NBPF26: variants seen among roughly 807,000 people sequenced by gnomAD.
NBPF26 encodes the protein NBPF member 26.
NBPF26 carries 79 observed loss-of-function variants against 119.6 expected under a neutral mutation model. The observed-to-expected ratio is 0.66, with a 90% CI of 0.55 to 0.80. The LOEUF (loss-of-function observed/expected upper bound fraction) is 0.80, where lower values mean the gene tolerates loss of function less well. Among genes scored for constraint, NBPF26 ranks in the 30% least tolerant of loss-of-function variants. The probability of loss-of-function intolerance (pLI) is 0.00; values close to 1 mark genes in which losing one functional copy is unlikely to be tolerated. For missense variants in NBPF26, 800 were observed against 1,198.2 expected (o/e 0.67, Z 4.91); for synonymous variants, 299 against 457.7 (o/e 0.65, Z 4.43).
chr1:120,813,385 G>T (rs1651924636), intron 10 of NBPF26, among the ~76,000 whole-genome samples: 1 of 127,568 alleles, frequency 7.8e-6, no homozygotes, highest in South Asian at 2.3e-4. Flanking sequence ...TTATGCTTCA[G>T]ATATGATTCT....
intron 1 of NBPF26, among the ~76,000 whole-genome samples, chr1:120,743,875 G>A (rs1650956620): frequency 8.4e-6 from 1 of 119,202 alleles, no homozygotes; most frequent in Non-Finnish European, 1.7e-5. Flanking sequence ...ATATTAGAGT[G>A]GTTGTTTCAG....
At position 120,823,034 on chromosome 1, in the gene NBPF26, G is replaced by C. The variant is rs1173762541; in HGVS notation, c.2588-275G>C. Among the ~76,000 whole-genome samples the C allele has an allele frequency of 2.4e-5, 3 of 122,724 alleles. No individual in the cohort carries two copies. In the South Asian group the frequency reaches 7.4e-4, roughly 30 times the overall value. 80.5% of individuals were successfully genotyped at this position (122,724 alleles called of 152,430 possible). A position where few individuals can be genotyped will look rare whatever the true frequency, so the allele number is the denominator to read the frequency against. ...AGAACTATTTGCCTACAATTTATTG[G>C]GGAAAAAATTGCTCATTTGTGTACA... On this transcript the variant is annotated intron_variant, in intron 16 of 29. Transcript: ENST00000620612.
chr1:120,817,045 CAT>C (rs1209006887), intron 14 of NBPF26, among the ~76,000 whole-genome samples: 2 of 118,322 alleles, frequency 1.7e-5, no homozygotes, highest in East Asian at 4.1e-4. Context: ...GTGACAATCT[CAT>C]AGTCACCTGA....
rs1234330056 is a variant in NBPF26 at position 120,815,319 on chromosome 1, G to T, written c.2092+276G>T. Among the ~76,000 whole-genome samples, 6 of 114,876 alleles carry T rather than the reference G, an allele frequency of 5.2e-5. 2 individuals carry two copies. Among genetic ancestry groups the T allele is most frequent in the East Asian group, 4.6e-4 (2 of 4,384 alleles). 75.4% of individuals were successfully genotyped at this position (114,876 alleles called of 152,430 possible). ...GTTTTAAAGGACAGGAAGGAGGCTG[G>T]GATGGGAGCAGGCTTGTTAGAGTGA... On this transcript the variant is annotated intron_variant, in intron 12 of 29. Coordinates refer to ENST00000620612, the Ensembl canonical transcript of NBPF26.
chr1:120,805,502 G>T lies in NBPF26; in HGVS notation c.752-54G>T, dbSNP rs1214447977. ...GACATCCCTCAGTCCTGATTAAACCGATTTGATTTCACCAGTTTTTAACCC... is the reference window on the plus strand; with the variant it reads ...GACATCCCTCAGTCCTGATTAAACCTATTTGATTTCACCAGTTTTTAACCC... On this transcript the variant is annotated intron_variant, in intron 4 of 29. Coordinates refer to ENST00000620612, the Ensembl canonical transcript of NBPF26. 181 of 1,310,682 alleles carry T rather than the reference G, an allele frequency of 1.4e-4. 20 individuals are homozygous for T. The highest frequency in any genetic ancestry group is 5.2e-4 in the East Asian group (23 of 44,022). 81.2% of individuals were successfully genotyped at this position (1,310,682 alleles called of 1,614,324 possible). A position where few individuals can be genotyped will look rare whatever the true frequency, so the allele number is the denominator to read the frequency against.
rs1553273404 is a variant in NBPF26 at position 120,840,354 on chromosome 1, A to G, written c.4108A>G (p.Asn1370Asp). The G allele has an allele frequency of 2.1e-5, 30 of 1,448,766 alleles. 7 individuals are homozygous for G. The highest frequency in any genetic ancestry group is 4.6e-5 in the East Asian group (2 of 43,676). The allele number at this position is 1,448,766 out of a possible 1,614,324, so 89.7% of individuals were successfully genotyped here. The change falls in exon 30 of 30, where the codon AAC (asparagine) becomes GAC (aspartate). Residue 1370 changes from asparagine (N) to aspartate (D), a missense_variant. Asn to Asp is a conservative substitution (Grantham distance 23, BLOSUM62 1). Coordinates refer to ENST00000620612, the Ensembl canonical transcript of NBPF26. ...TAGTTTTGTCTCCTTTTGCAGGCTC[A>G]ACAGCATGCTGATGGAAGTGGAAGA...
Position 120,833,288 on chromosome 1 carries a change from G to A in NBPF26, c.3371+305G>A, listed in dbSNP as rs1254140983. 3.7e-5 allele frequency among the ~76,000 whole-genome samples: 3 copies of A among 80,186 alleles called. 1 individual carries two copies. Among genetic ancestry groups the A allele is most frequent in the Non-Finnish European group, 6.5e-5 (3 of 46,232 alleles). The allele number at this position is 80,186 out of a possible 152,430, so 52.6% of individuals were successfully genotyped here. A position where few individuals can be genotyped will look rare whatever the true frequency, so the allele number is the denominator to read the frequency against. On this transcript the variant is annotated intron_variant, in intron 23 of 29. Transcript: ENST00000620612. Reference sequence around the variant, plus strand: ...TCTTTTCATGATCACAGTTTGCTGTGTGTCATGAGGGCACTAACTCAGAGT... The same window carrying A: ...TCTTTTCATGATCACAGTTTGCTGTATGTCATGAGGGCACTAACTCAGAGT...
At chr1:120,783,704 A>G in intron 2 of NBPF26, among the ~76,000 whole-genome samples, 1 of 117,390 alleles carries the variant, frequency 8.5e-6, no homozygotes, top group Non-Finnish European at 1.6e-5. Context: ...TAACAAATGC[A>G]TTTGAGAGAA....
rs2101490243 is a variant in NBPF26, at chr1:120,805,766, G to GT, written c.961+2dup. The stretch of plus-strand genomic sequence containing the variant: ...CTGGCCAACCGACAGAAGAAATACA[G>GT]TAAGATCTATAGGCTCACCATCATG... On this transcript the variant is annotated splice_donor_variant, in intron 5 of 29. Transcript: ENST00000620612. LOFTEE classifies it high-confidence loss of function. 1 of 1,391,274 alleles carries GT rather than the reference G, an allele frequency of 7.2e-7. No individual in the cohort carries two copies. Among genetic ancestry groups the GT allele is most frequent in the East Asian group, 2.3e-5 (1 of 44,080 alleles). 86.2% of individuals were successfully genotyped at this position (1,391,274 alleles called of 1,614,324 possible). A position where few individuals can be genotyped will look rare whatever the true frequency, so the allele number is the denominator to read the frequency against.
At chr1:120,770,626 T>G (rs1651252626) in intron 2 of NBPF26, among the ~76,000 whole-genome samples, 2 of 121,422 alleles carry the variant, frequency 1.6e-5, no homozygotes, top group Non-Finnish European at 3.2e-5. Flanking sequence ...ACTTTAGTCC[T>G]CATGTGAGAG....
rs1419462376 is a variant in NBPF26, at chr1:120,790,698, C to A, written c.416-2463C>A. On this transcript the variant is annotated intron_variant, in intron 3 of 29. Transcript: ENST00000620612. ...CACTGCAACCTCCACCTCTTGGGTTCGAGTGATTCTTGTGCCTCAGCCTCC... is the reference window on the plus strand; with the variant it reads ...CACTGCAACCTCCACCTCTTGGGTTAGAGTGATTCTTGTGCCTCAGCCTCC... Among the ~76,000 whole-genome samples, 5 of 110,770 alleles carry A rather than the reference C, an allele frequency of 4.5e-5. 2 individuals are homozygous for A. Among genetic ancestry groups the A allele is most frequent in the Non-Finnish European group, 8.5e-5 (5 of 59,066 alleles). The allele number at this position is 110,770 out of a possible 152,430, so 72.7% of individuals were successfully genotyped here.
Position 120,812,134 on chromosome 1 carries a change from G to A in NBPF26, c.1774+39G>A, listed in dbSNP as rs1553271104. 37 of 1,062,420 alleles carry A rather than the reference G, an allele frequency of 3.5e-5. 6 individuals are homozygous for A. The highest frequency in any genetic ancestry group is 4.9e-5 in the Non-Finnish European group (36 of 736,822). 65.8% of individuals were successfully genotyped at this position (1,062,420 alleles called of 1,614,324 possible). A position where few individuals can be genotyped will look rare whatever the true frequency, so the allele number is the denominator to read the frequency against. ...GCTCACCATCACGAAAGTGATGAAC[G>A]AGGTCCTGTCTTCTCTCTGAGACAC... On this transcript the variant is annotated intron_variant, in intron 10 of 29. Transcript: ENST00000620612.
rs1208341652 is a variant in NBPF26 at position 120,787,927 on chromosome 1, C to T, written c.415+2694C>T. On this transcript the variant is annotated intron_variant, in intron 3 of 29. Transcript: ENST00000620612. ...AGGACAATTACAGTCCTCATTTCTGCAGCTGGTCACATGGTAGTAGGTGGT... is the reference window on the plus strand; with the variant it reads ...AGGACAATTACAGTCCTCATTTCTGTAGCTGGTCACATGGTAGTAGGTGGT... Among the ~76,000 whole-genome samples, 129 of 109,982 alleles carry T rather than the reference C, an allele frequency of 1.2e-3. 47 individuals are homozygous for T. The highest frequency in any genetic ancestry group is 6.8e-3 in the African/African-American group (119 of 17,564). 72.2% of individuals were successfully genotyped at this position (109,982 alleles called of 152,430 possible). A position where few individuals can be genotyped will look rare whatever the true frequency, so the allele number is the denominator to read the frequency against.
rs1405234837 is a variant in NBPF26 at position 120,770,479 on chromosome 1, G to GT, written c.155+6777dup. Among the ~76,000 whole-genome samples, 17 of 114,034 alleles carry GT rather than the reference G, an allele frequency of 1.5e-4. 1 individual carries two copies. In the South Asian group the frequency reaches 3.0e-3, roughly 20 times the overall value. 74.8% of individuals were successfully genotyped at this position (114,034 alleles called of 152,430 possible). A position where few individuals can be genotyped will look rare whatever the true frequency, so the allele number is the denominator to read the frequency against. On this transcript the variant is annotated intron_variant, in intron 2 of 29. Transcript: ENST00000620612. ...CCACCACACCCAGCCGAGGACATAG[G>GT]TTTTTTTATGCCAGATAGACTTAAG...
Position 120,727,751 on chromosome 1 carries a change from T to C in NBPF26, c.73+3501T>C, listed in dbSNP as rs1342549897. ...TTCTTGATGTCTCAGTTCGAATGCC[T>C]AAATTTGAACTATTAATTTTCCTTC... On this transcript the variant is annotated intron_variant, in intron 1 of 29. Transcript: ENST00000620612. Among the ~76,000 whole-genome samples the C allele has an allele frequency of 1.0e-4, 12 of 116,046 alleles. 3 individuals are homozygous for C. In the East Asian group the frequency reaches 1.9e-3, roughly 18 times the overall value. The allele number at this position is 116,046 out of a possible 152,430, so 76.1% of individuals were successfully genotyped here.
intron 9 of NBPF26, among the ~76,000 whole-genome samples, chr1:120,810,814 C>A (rs1651842901): frequency 9.1e-6 from 1 of 110,164 alleles, no homozygotes; most frequent in Non-Finnish European, 1.8e-5. Flanking sequence ...ATTAGGCAGG[C>A]ATGGTGCTGC....
rs1406783516 is a variant in NBPF26, at chr1:120,742,268, A to G, written c.73+18018A>G. 2.4e-4 allele frequency among the ~76,000 whole-genome samples: 4 copies of G among 16,666 alleles called. 1 individual carries two copies. The Middle Eastern group carries it at 0.095, about 397-fold the overall frequency. The allele number at this position is 16,666 out of a possible 152,430, so 10.9% of individuals were successfully genotyped here. On this transcript the variant is annotated intron_variant, in intron 1 of 29. Coordinates refer to ENST00000620612, the Ensembl canonical transcript of NBPF26. ...TTTAAATTTCAAATTAAAAAATTTG[A>G]ATATCTGAATTAAGTATCTCTGATT...
rs1651843318 is a variant in NBPF26 at position 120,810,829 on chromosome 1, C to A, written c.1564+271C>A. The stretch of plus-strand genomic sequence containing the variant: ...ATTAGGCAGGCATGGTGCTGCATGC[C>A]TATAGTCCCAACTGCTCAGGAGACT... On this transcript the variant is annotated intron_variant, in intron 9 of 29. Coordinates refer to ENST00000620612, the Ensembl canonical transcript of NBPF26. Among the ~76,000 whole-genome samples, 8 of 110,048 alleles carry A rather than the reference C, an allele frequency of 7.3e-5. 3 individuals carry two copies. Among genetic ancestry groups the A allele is most frequent in the Admixed American group, 6.9e-4 (8 of 11,658 alleles). The allele number at this position is 110,048 out of a possible 152,430, so 72.2% of individuals were successfully genotyped here. A position where few individuals can be genotyped will look rare whatever the true frequency, so the allele number is the denominator to read the frequency against.
At chr1:120,810,292 G>C in intron 8 of NBPF26, 55 bp from the exon 9 acceptor site, 1 of 1,487,498 alleles carries the variant, frequency 6.7e-7, no homozygotes, top group Non-Finnish European at 9.1e-7. Flanking sequence ...ACTCCATGGG[G>C]TCCAATCCCT....
Sources: gnomAD v4.1 joint callset for allele counts (sites outside exome capture counted in the v4.1 genomes callset) on GRCh38, gnomAD v4.1.1 for gene constraint, MANE v1.5 for transcripts, NCBI Gene and HGNC (gene_info 2026-07-23, HGNC 2026-07-21) for gene names.